FANCM: variants seen among roughly 807,000 people sequenced by gnomAD.
FANCM encodes Fanconi anemia group M protein.
In FANCM, 140 loss-of-function variants were observed where a neutral mutation model predicts 199.5. The ratio of observed to expected loss-of-function variants is 0.70; its 90% CI spans 0.61 to 0.81. The LOEUF (loss-of-function observed/expected upper bound fraction) is 0.81, where lower values mean the gene tolerates loss of function less well. FANCM is among the 30% of genes least tolerant of loss of function. The pLI is 0.00. For missense variants in FANCM, 2,410 were observed against 2,421.4 expected, an observed-to-expected ratio of 1.00 and a Z score of 0.10; for synonymous variants, 840 against 836.8, an observed-to-expected ratio of 1.00 and a Z score of -0.07.
chr14:45,150,679 T>A (rs1886755542), intron 4 of FANCM, among the ~76,000 whole-genome samples: 1 of 152,070 alleles, frequency 6.6e-6, no homozygotes, highest in Non-Finnish European at 1.5e-5. Flanking sequence ...TCAAAGAGAG[T>A]CTTTGTTCAC....
rs781114492 is a variant in FANCM at position 45,140,678 on chromosome 14, C to G, written c.728C>G (p.Ala243Gly). 5.6e-6 allele frequency: 9 copies of G among 1,601,620 alleles called. No individual in the cohort carries two copies. In the South Asian group the frequency reaches 6.6e-5, roughly 12 times the overall value. ...TATACAAATCACTTTAGAATCTTGG[C>G]TCTAAGTGCCACACCAGGTAGTGAT... The part of the protein sequence containing the change: ...VKYTNHFRIL[A>G]LSATPGSDIK... The change falls in exon 3 of 23, where the codon GCT (alanine) becomes GGT (glycine). Residue 243 changes from alanine to glycine, a missense_variant. Transcript: ENST00000267430.
At chr14:45,186,680 A>G (rs1889421668) in intron 18 of FANCM, among the ~76,000 whole-genome samples, 1 of 152,216 alleles carries the variant, frequency 6.6e-6, no homozygotes, top group African/African-American at 2.4e-5. Flanking sequence ...AGTGTTTTGC[A>G]GGTTTACAAT....
chr14:45,187,310 G>T, intron 18 of FANCM, among the ~76,000 whole-genome samples: 1 of 147,976 alleles, frequency 6.8e-6, no homozygotes, highest in East Asian at 2.0e-4. Context: ...AAAAATGCTA[G>T]CCATAAAAAA....
chr14:45,175,154 A>G lies in FANCM; in HGVS notation c.2400A>G (p.Glu800=). ...CAACATTTATTGCTCCCAGGAATGAATCTAATAATCTTGCCAGTGACACCT... is the reference window on the plus strand; with the variant it reads ...CAACATTTATTGCTCCCAGGAATGAGTCTAATAATCTTGCCAGTGACACCT... ...VTSTFIAPRN[E]SNNLASDTFI... The change falls in exon 14 of 23, where the codon GAA becomes GAG. Residue 800 remains glutamate, a synonymous_variant. Transcript: ENST00000267430. 1 of 1,611,824 alleles carries G rather than the reference A, an allele frequency of 6.2e-7. No individual in the cohort carries two copies. Among genetic ancestry groups the G allele is most frequent in the Non-Finnish European group, 8.5e-7 (1 of 1,178,572 alleles).
At chr14:45,148,339 A>G (rs764127574) in intron 3 of FANCM, among the ~76,000 whole-genome samples, 6 of 152,094 alleles carry the variant, frequency 3.9e-5, no homozygotes, top group Non-Finnish European at 7.4e-5. Context: ...ACAGAATACA[A>G]CAGATTATAT....
chr14:45,137,110 A>G lies in FANCM; in HGVS notation c.550A>G (p.Lys184Glu). Reference protein sequence around the residue: ...ASTRKEIWCSKRVLFLTPQVM... With the variant: ...ASTRKEIWCSERVLFLTPQVM... ...CACCAGGAAGGAAATATGGTGCAGT[A>G]AGAGAGTGCTTTTTCTTACACCTCA... Residue 184 changes from lysine to glutamate, a missense_variant, in exon 2 of 23, where the codon AAG (lysine) becomes GAG (glutamate). Coordinates refer to ENST00000267430, the MANE Select transcript of FANCM (RefSeq NM_020937.4). 6.2e-7 allele frequency: 1 copy of G among 1,613,582 alleles called. No individual in the cohort carries two copies. Among genetic ancestry groups the G allele is most frequent in the Non-Finnish European group, 8.5e-7 (1 of 1,179,594 alleles).
chr14:45,199,987 T>A lies in FANCM; in HGVS notation c.6126T>A (p.Asp2042Glu). 6.2e-7 allele frequency: 1 copy of A among 1,608,978 alleles called. No individual in the cohort carries two copies. Among genetic ancestry groups the A allele is most frequent in the Non-Finnish European group, 8.5e-7 (1 of 1,176,224 alleles). The change falls in exon 23 of 23, where the codon GAT becomes GAA. Residue 2042 changes from aspartate (D) to glutamate (E), a missense_variant. Physicochemically the swap from Asp to Glu is conservative, Grantham distance 45 (BLOSUM62 2). Coordinates refer to ENST00000267430, the MANE Select transcript of FANCM (RefSeq NM_020937.4). ...IQMLPNDLNQ[D>E]RLKSDI ...TGTTACCAAATGATCTTAACCAAGA[T>A]AGACTGAAATCTGATATATAATCAA... is the stretch of plus-strand genomic sequence containing the variant.
intron 20 of FANCM, 75 bp from the exon 21 acceptor site, chr14:45,196,097 A>G: frequency 6.8e-7 from 1 of 1,475,366 alleles, no homozygotes; most frequent in Non-Finnish European, 9.5e-7. Flanking sequence ...AAGGATAATC[A>G]ACTTCGGGTG....
intron 17 of FANCM, 107 bp downstream of exon 17, chr14:45,184,009 TTAAG>T: frequency 1.2e-6 from 1 of 840,708 alleles, no homozygotes; most frequent in Non-Finnish European, 1.8e-6. Context: ...TAGAAAAAAA[TTAAG>T]TATTTTGACA....
At position 45,196,304 on chromosome 14, in the gene FANCM, C is replaced by A. The variant is rs2139319523; in HGVS notation, c.5473C>A (p.His1825Asn). ...AGGAACCTGTATTCTTGTAGGTGGT[C>A]ATGAAATCACTTCTGGATTAGAAGT... is the stretch of plus-strand genomic sequence containing the variant. Reference protein sequence around the residue: ...GKGTCILVGGHEITSGLEVIS... With the variant: ...GKGTCILVGGNEITSGLEVIS... Residue 1825 changes from histidine to asparagine, a missense_variant, in exon 21 of 23, where the codon CAT becomes AAT. By Grantham distance (68) the His-to-Asn change is moderately conservative (BLOSUM62 1). Transcript: ENST00000267430. 8 of 1,614,090 alleles carry A rather than the reference C, an allele frequency of 5.0e-6. No individual in the cohort carries two copies. The highest frequency in any genetic ancestry group is 5.9e-6 in the Non-Finnish European group (7 of 1,179,990).
chr14:45,179,192 C>T (rs962903636), intron 14 of FANCM, among the ~76,000 whole-genome samples: 1 of 152,036 alleles, frequency 6.6e-6, no homozygotes, highest in Non-Finnish European at 1.5e-5. Flanking sequence ...AAGTGAGGCT[C>T]TGTCTAAAAA....
At chr14:45,167,968 T>G (rs1888097150) in intron 11 of FANCM, among the ~76,000 whole-genome samples, 1 of 152,170 alleles carries the variant, frequency 6.6e-6, no homozygotes, top group African/African-American at 2.4e-5. Context: ...CGGCCCTGTA[T>G]AGTAGAAGAC....
chr14:45,175,193 G>C lies in FANCM; in HGVS notation c.2439G>C (p.Lys813Asn). Reference protein sequence around the residue: ...NLASDTFITHKKSSFIKNINQ... With the variant: ...NLASDTFITHNKSSFIKNINQ... ...CCAGTGACACCTTTATCACTCACAA[G>C]AAATCGTCATTTATAAAGAACATAA... is the stretch of plus-strand genomic sequence containing the variant. The change falls in exon 14 of 23, where the codon AAG becomes AAC. Residue 813 changes from lysine (K) to asparagine (N), a missense_variant. Physicochemically the swap from Lys to Asn is moderately conservative, Grantham distance 94. Transcript: ENST00000267430. The C allele has an allele frequency of 6.2e-7, 1 of 1,611,552 alleles. No individual in the cohort carries two copies. Among genetic ancestry groups the C allele is most frequent in the East Asian group, 2.2e-5 (1 of 44,694 alleles).
In FANCM at chr14:45,188,959, C is replaced by G; in HGVS notation, c.4937C>G (p.Ala1646Gly). The G allele has an allele frequency of 6.2e-7, 1 of 1,613,840 alleles. No homozygotes were observed. ...ANSKKYKTRR[A>G]VMLKEMMEQN... ...AGTAAAAAGTATAAAACTCGACGTG[C>G]AGTAATGCTAAAAGAAATGATGGAA... Residue 1646 changes from alanine to glycine, a missense_variant, in exon 20 of 23, where the codon GCA (alanine) becomes GGA (glycine). Transcript: ENST00000267430.
In FANCM at chr14:45,146,939, TG is replaced by T. The variant is rs1241980871; in HGVS notation, c.760-1897del. 2.0e-5 allele frequency among the ~76,000 whole-genome samples: 3 copies of T among 152,134 alleles called. No individual in the cohort carries two copies. In the East Asian group the frequency reaches 5.8e-4, roughly 29 times the overall value. ...TTTGTTATTTTCTTCTTAACATTTG[TG>T]ATAATTGGTCATTCTTTTGCGTATT... On this transcript the variant is annotated intron_variant, in intron 3 of 22. Transcript: ENST00000267430.
At position 45,136,186 on chromosome 14, in the gene FANCM, C is replaced by T; in HGVS notation, c.155C>T (p.Ser52Leu). Residue 52 changes from serine (S) to leucine (L), a missense_variant, in exon 1 of 23, where the codon TCG becomes TTG. Coordinates refer to ENST00000267430, the MANE Select transcript of FANCM (RefSeq NM_020937.4). ...LPAAAEAQLE[S>L]DDDVLLVAAY... The stretch of plus-strand genomic sequence containing the variant: ...GCAGCAGCGGAGGCTCAGCTGGAGT[C>T]GGACGATGATGTGTTGCTTGTCGCG... 6.2e-7 allele frequency: 1 copy of T among 1,614,136 alleles called. No homozygotes were observed. The highest frequency in any genetic ancestry group is 8.5e-7 in the Non-Finnish European group (1 of 1,180,036).
intron 9 of FANCM, among the ~76,000 whole-genome samples, chr14:45,162,839 GA>G (rs991519415): frequency 2.6e-5 from 4 of 151,376 alleles, no homozygotes; most frequent in African/African-American, 7.2e-5. Flanking sequence ...GTTATATTAA[GA>G]AAAAATGTAT....
chr14:45,149,104 T>C (rs1192708364), intron 4 of FANCM, 109 bp downstream of exon 4: 2 of 959,916 alleles, frequency 2.1e-6, no homozygotes, highest in African/African-American at 1.7e-5. Flanking sequence ...TTTTATATAA[T>C]TGATATGTTG....
intron 20 of FANCM, among the ~76,000 whole-genome samples, chr14:45,190,629 C>T (rs1387326004): frequency 6.6e-6 from 1 of 152,122 alleles, no homozygotes; most frequent in Non-Finnish European, 1.5e-5. Context: ...TCTTTATCCC[C>T]AAGGTGTTTC....
Sources: gnomAD v4.1 joint callset for allele counts (sites outside exome capture counted in the v4.1 genomes callset) on GRCh38, gnomAD v4.1.1 for gene constraint, MANE v1.5 for transcripts, NCBI Gene and HGNC (gene_info 2026-07-23, HGNC 2026-07-21) for gene names.